CUX2: variants seen among roughly 807,000 people sequenced by gnomAD.
CUX2 encodes the protein cut like homeobox 2, also known as homeobox protein cut-like 2.
Under a neutral mutation model 144.8 loss-of-function variants are expected in CUX2, and 40 were observed. The ratio of observed to expected loss-of-function variants is 0.28; its 90% CI spans 0.21 to 0.36. CUX2 has a LOEUF of 0.36. Among genes scored for constraint, CUX2 ranks in the 10% least tolerant of loss-of-function variants. The pLI, the probability that CUX2 is intolerant of heterozygous loss-of-function variation, is 1.00. For missense variants in CUX2, 1,615 were observed against 1,994.0 expected (o/e 0.81, Z 3.62); for synonymous variants, 827 against 875.6 (o/e 0.94, Z 0.98).
At chr12:111,065,358 G>A (rs1357700015) in intron 1 of CUX2, among the ~76,000 whole-genome samples, 4 of 152,232 alleles carry the variant, frequency 2.6e-5, no homozygotes, top group Non-Finnish European at 4.4e-5. Flanking sequence ...GTTTGAGACG[G>A]AGTCTTGCTC....
rs114893157 is a variant in CUX2, at chr12:111,124,986, A to G, written c.64-89214A>G. ...GAAGAGGATTCTAGTTTCTGTGGCCAGTCTCAGAGAATGAGGGACCAGAGA... is the reference window on the plus strand; with the variant it reads ...GAAGAGGATTCTAGTTTCTGTGGCCGGTCTCAGAGAATGAGGGACCAGAGA... On this transcript the variant is annotated intron_variant, in intron 1 of 21. Coordinates refer to ENST00000261726, the MANE Select transcript of CUX2 (RefSeq NM_015267.4). Among the ~76,000 whole-genome samples the G allele has an allele frequency of 6.4e-3, 972 of 152,282 alleles. 7 individuals carry two copies. Among genetic ancestry groups the G allele is most frequent in the African/African-American group, 0.022 (909 of 41,556 alleles).
intron 1 of CUX2, among the ~76,000 whole-genome samples, chr12:111,175,278 T>C (rs951457089): frequency 6.6e-5 from 10 of 151,944 alleles, no homozygotes; most frequent in African/African-American, 2.4e-4. Flanking sequence ...TATGTAAAAT[T>C]GACACATTTA....
chr12:111,135,166 T>TGTGGTCCGTCCACAGTGATAA (rs1875781643), intron 1 of CUX2, among the ~76,000 whole-genome samples: 1 of 150,958 alleles, frequency 6.6e-6, no homozygotes, highest in Non-Finnish European at 1.5e-5. Context: ...AAGGTATGTG[T>TGTGGTCCGTCCACAGTGATAA]GTGGTCCGTC....
chr12:111,165,433 C>A (rs1878073552), intron 1 of CUX2, among the ~76,000 whole-genome samples: 1 of 152,190 alleles, frequency 6.6e-6, no homozygotes, highest in South Asian at 2.1e-4. Flanking sequence ...AGAGTGGACA[C>A]AGACTGTCGT....
At chr12:111,266,016 C>A (rs1334775496) in intron 4 of CUX2, among the ~76,000 whole-genome samples, 1 of 152,152 alleles carries the variant, frequency 6.6e-6, no homozygotes, top group African/African-American at 2.4e-5. Context: ...CTGTCTGGGG[C>A]AACTGTAGTG....
chr12:111,225,962 A>C (rs1469447130), intron 3 of CUX2, among the ~76,000 whole-genome samples: 3 of 152,174 alleles, frequency 2.0e-5, no homozygotes, highest in Admixed American at 2.0e-4. Context: ...GCACATGTGC[A>C]CACACATGAC....
chr12:111,339,254 G>C lies in CUX2; in HGVS notation c.3385+780G>C, dbSNP rs557610630. On this transcript the variant is annotated intron_variant, in intron 20 of 21. Transcript: ENST00000261726. ...CAAAAAAAAAAAGAAAGAAACAAAA[G>C]GAAACCTAACACCCCATCTCTTGTT... is the stretch of plus-strand genomic sequence containing the variant. Among the ~76,000 whole-genome samples, 27 of 151,852 alleles carry C rather than the reference G, an allele frequency of 1.8e-4. No individual in the cohort carries two copies. The South Asian group carries it at 4.8e-3, about 27-fold the overall frequency.
At position 111,334,649 on chromosome 12, in the gene CUX2, C is replaced by G. The variant is rs767501976; in HGVS notation, c.3135C>G (p.Pro1045=). The change falls in exon 19 of 22, where the codon CCC becomes CCG. Residue 1045 remains proline (P), a synonymous_variant. Coordinates refer to ENST00000261726, the MANE Select transcript of CUX2 (RefSeq NM_015267.4). ...TCCAGGAGATCGTGGCCATGTCCCC[C>G]GAGCTGGACACGTACTCCATCACCA... ...GGIQEIVAMS[P]ELDTYSITKR... The G allele has an allele frequency of 1.4e-5, 22 of 1,613,834 alleles. No individual in the cohort carries two copies. The highest frequency in any genetic ancestry group is 1.8e-5 in the Non-Finnish European group (21 of 1,180,004).
At chr12:111,093,891 G>C (rs777712292) in intron 1 of CUX2, among the ~76,000 whole-genome samples, 3 of 152,248 alleles carry the variant, frequency 2.0e-5, no homozygotes, top group South Asian at 2.1e-4. Context: ...CGGAGCCTTT[G>C]TGCGGATCTC....
chr12:111,249,437 C>CTTTTTTT (rs1359905002), intron 3 of CUX2, among the ~76,000 whole-genome samples: 1 of 101,216 alleles, frequency 9.9e-6, no homozygotes, highest in Non-Finnish European at 1.9e-5. Flanking sequence ...TTAATAGACC[C>CTTTTTTT]TTTTTTTGTT....
At chr12:111,347,437 TG>T in intron 21 of CUX2, 86 bp from the exon 22 acceptor site, 1 of 1,307,442 alleles carries the variant, frequency 7.6e-7, no homozygotes, top group Non-Finnish European at 1.0e-6. Flanking sequence ...GGGCAGTGGG[TG>T]GGACCAAAAT....
At chr12:111,318,245 C>CTTTTTTTTTTTTTTTTTTTCT (rs541676829) in intron 16 of CUX2, among the ~76,000 whole-genome samples, 1 of 78,884 alleles carries the variant, frequency 1.3e-5, no homozygotes, top group Non-Finnish European at 2.2e-5. Context: ...TTTCTTTTTT[C>CTTTTTTTTTTTTTTTTTTTCT]TTTTTTTTTT....
rs1871120704 is a variant in CUX2 at position 111,068,673 on chromosome 12, G to C, written c.63+34433G>C. ...TAGCTCACCTGCTCTGCCTTGCGTG[G>C]TTCAACTCCGCCCCCTTCTTCCCTG... On this transcript the variant is annotated intron_variant, in intron 1 of 21. Coordinates refer to ENST00000261726, the MANE Select transcript of CUX2 (RefSeq NM_015267.4). The surrounding 1 kb of genome is among the most constrained non-coding windows in gnomAD (Gnocchi z 4.9). 6.6e-6 allele frequency among the ~76,000 whole-genome samples: 1 copy of C among 152,204 alleles called. No individual in the cohort carries two copies. Among genetic ancestry groups the C allele is most frequent in the Non-Finnish European group, 1.5e-5 (1 of 68,032 alleles).
intron 1 of CUX2, among the ~76,000 whole-genome samples, chr12:111,148,686 A>G (rs146527955): frequency 5.0e-4 from 76 of 152,304 alleles, no homozygotes; most frequent in African/African-American, 1.7e-3. Context: ...ATCCTGAAGA[A>G]GTAGATACTA....
rs752037992 is a variant in CUX2, at chr12:111,035,815, G to T, written c.63+1575G>T. On this transcript the variant is annotated intron_variant, in intron 1 of 21. Coordinates refer to ENST00000261726, the MANE Select transcript of CUX2 (RefSeq NM_015267.4). The surrounding 1 kb of genome is among the most constrained non-coding windows in gnomAD (Gnocchi z 6.0). ...CTGAGGCATGCAGTTAATAACTGCC[G>T]AGTGCCTTGCAATTCCGGGTCCGCA... is the stretch of plus-strand genomic sequence containing the variant. Among the ~76,000 whole-genome samples, 11 of 152,038 alleles carry T rather than the reference G, an allele frequency of 7.2e-5. No individual in the cohort carries two copies. The highest frequency in any genetic ancestry group is 1.3e-4 in the Non-Finnish European group (9 of 68,030).
At position 111,347,846 on chromosome 12, in the gene CUX2, C is replaced by G. The variant is rs1592995373; in HGVS notation, c.3982C>G (p.Pro1328Ala). 1.9e-6 allele frequency: 3 copies of G among 1,614,088 alleles called. No homozygotes were observed. Among genetic ancestry groups the G allele is most frequent in the Non-Finnish European group, 1.7e-6 (2 of 1,180,030 alleles). ...GGAGCTGGACAAAGGCCAAGGTCCC[C>G]CCAAAGAGGAGCATCCCGACCCTCC... is the stretch of plus-strand genomic sequence containing the variant. ...SGELDKGQGP[P>A]KEEHPDPPGN... Residue 1328 changes from proline to alanine, a missense_variant, in exon 22 of 22, where the codon CCC becomes GCC. Around this residue, in one of 12 missense-constraint regions of CUX2, gnomAD observed 298 missense variants for 330.4 expected, o/e 0.90. Coordinates refer to ENST00000261726, the MANE Select transcript of CUX2 (RefSeq NM_015267.4).
At chr12:111,047,501 G>A (rs1267327601) in intron 1 of CUX2, among the ~76,000 whole-genome samples, 2 of 152,082 alleles carry the variant, frequency 1.3e-5, no homozygotes, top group African/African-American at 4.8e-5. Context: ...CTTGGGGCTG[G>A]GGCTAGGGCT....
intron 19 of CUX2, among the ~76,000 whole-genome samples, chr12:111,335,897 C>A (rs1304242990): frequency 6.6e-6 from 1 of 151,492 alleles, no homozygotes; most frequent in Non-Finnish European, 1.5e-5. Context: ...CAGAGGAAGA[C>A]CTTGTCTCTA....
chr12:111,161,176 A>G (rs1877741484), intron 1 of CUX2, among the ~76,000 whole-genome samples: 1 of 152,128 alleles, frequency 6.6e-6, no homozygotes, highest in Admixed American at 6.5e-5. Flanking sequence ...AGGGTACTTA[A>G]GCATGGCCAC....
Sources: allele counts gnomAD v4.1 joint callset (sites outside exome capture counted in the v4.1 genomes callset), GRCh38; gene constraint gnomAD v4.1.1; regional missense constraint gnomAD v4.1.1; non-coding constraint Gnocchi (gnomAD v3.1); transcripts MANE v1.5; gene names NCBI Gene and HGNC (gene_info 2026-07-23, HGNC 2026-07-21).